DMD: variants seen among roughly 807,000 people sequenced by gnomAD.
DMD encodes dystrophin.
In DMD, 63 loss-of-function variants were observed where a neutral mutation model predicts 330.1. The ratio of observed to expected loss-of-function variants is 0.19; its 90% CI spans 0.16 to 0.24. DMD has a LOEUF of 0.24. Among genes scored for constraint, DMD ranks in the 10% least tolerant of loss-of-function variants. The pLI is 1.00. For missense variants in DMD, 3,344 were observed against 2,684.1 expected (o/e 1.25, Z -5.43); for synonymous variants, 1,223 against 959.8 (o/e 1.27, Z -5.07).
At chrX:31,226,574 G>A (rs2046619004) in intron 63 of DMD, among the ~76,000 whole-genome samples, 1 of 111,410 alleles carries the variant, frequency 9.0e-6, no homozygotes, top group African/African-American at 3.3e-5. Context: ...CCCTTTAATT[G>A]TCCTTCTCTC....
intron 50 of DMD, among the ~76,000 whole-genome samples, chrX:31,785,518 G>A (rs141182453): frequency 0.032 from 3,604 of 111,224 alleles, 61 homozygotes; most frequent in Non-Finnish European, 0.052. Flanking sequence ...GGTTTGCTAC[G>A]TAGGTATACA....
intron 57 of DMD, among the ~76,000 whole-genome samples, chrX:31,481,124 C>G (rs193188926): frequency 8.9e-6 from 1 of 111,864 alleles, no homozygotes; most frequent in East Asian, 2.8e-4. Context: ...AGGGCATGTC[C>G]AAAGATGAAA....
chrX:32,303,674 T>C (rs1444142469), intron 42 of DMD, among the ~76,000 whole-genome samples: 1 of 110,573 alleles, frequency 9.0e-6, no homozygotes, highest in Non-Finnish European at 1.9e-5. Context: ...AAAAACCCAT[T>C]AGTAACTGTT....
At chrX:32,756,854 A>T (rs752985411) in intron 7 of DMD, among the ~76,000 whole-genome samples, 1 of 111,715 alleles carries the variant, frequency 9.0e-6, no homozygotes, top group Admixed American at 9.5e-5. Flanking sequence ...AAGTGATGCA[A>T]AACAGCTTAA....
At chrX:33,086,748 T>C (rs895019404) in intron 1 of DMD, among the ~76,000 whole-genome samples, 1 of 109,190 alleles carries the variant, frequency 9.2e-6, no homozygotes, top group Non-Finnish European at 1.9e-5. Context: ...TCTCTTAGTG[T>C]ATATATACAC....
chrX:32,028,720 T>G (rs1339494624), intron 44 of DMD, among the ~76,000 whole-genome samples: 1 of 111,372 alleles, frequency 9.0e-6, no homozygotes, highest in Non-Finnish European at 1.9e-5. Context: ...GAAATTGAAA[T>G]TTATTGAACA....
At chrX:32,487,076 G>A (rs1385511939) in intron 20 of DMD, among the ~76,000 whole-genome samples, 1 of 110,425 alleles carries the variant, frequency 9.1e-6, no homozygotes, top group Non-Finnish European at 1.9e-5. Flanking sequence ...CTACAAAATG[G>A]GAGAAAATTT....
At chrX:32,564,389 A>T (rs930697428) in intron 16 of DMD, among the ~76,000 whole-genome samples, 9 of 111,985 alleles carry the variant, frequency 8.0e-5, no homozygotes, top group Non-Finnish European at 1.7e-4. Context: ...AGCAATGGGT[A>T]CATATGGGAA....
intron 55 of DMD, among the ~76,000 whole-genome samples, chrX:31,521,685 C>T (rs2072777804): frequency 8.9e-6 from 1 of 111,925 alleles, no homozygotes; most frequent in African/African-American, 3.3e-5. Flanking sequence ...GGTAGAAAAG[C>T]TGTTGAAATG....
At chrX:33,009,309 T>C (rs1280706971) in intron 2 of DMD, among the ~76,000 whole-genome samples, 1 of 61,748 alleles carries the variant, frequency 1.6e-5, no homozygotes, top group African/African-American at 6.1e-5. Flanking sequence ...TATATACACA[T>C]GTGTGTATAT....
rs781491994 is a variant in DMD, at chrX:33,131,057, C to T, written c.31+80225G>A. Among the ~76,000 whole-genome samples the T allele has an allele frequency of 3.6e-5, 4 of 111,333 alleles. No homozygotes were observed. In the South Asian group the frequency reaches 1.5e-3, roughly 42 times the overall value. Reference sequence around the variant, plus strand: ...CTTAAGAATCCAGCTCTACCTGACTCCCTAAACAAGTGTGTGTCAAGAGTT... The same window carrying T: ...CTTAAGAATCCAGCTCTACCTGACTTCCTAAACAAGTGTGTGTCAAGAGTT... On this transcript the variant is annotated intron_variant, in intron 1 of 78. Transcript: ENST00000357033.
At chrX:32,388,341 C>CTTTTTTTTTTTTTTTTTTTT (rs3044988) in intron 32 of DMD, among the ~76,000 whole-genome samples, 17 of 78,543 alleles carry the variant, frequency 2.2e-4, no homozygotes, top group African/African-American at 8.5e-4. Flanking sequence ...TTATGCTTTC[C>CTTTTTTTTTTTTTTTTTTTT]TTTTTTTTTT....
chrX:32,746,520 G>C (rs2070034816), intron 7 of DMD, among the ~76,000 whole-genome samples: 1 of 111,425 alleles, frequency 9.0e-6, no homozygotes, highest in African/African-American at 3.3e-5. Flanking sequence ...AGACTTACTT[G>C]GTTAGTATCT....
At chrX:32,536,287 A>AAC (rs1569152584) in intron 17 of DMD, among the ~76,000 whole-genome samples, 97 of 105,946 alleles carry the variant, frequency 9.2e-4, no homozygotes, top group African/African-American at 3.2e-3. Flanking sequence ...AAAAAAAAAA[A>AAC]ACACACAAAT....
At chrX:31,842,491 A>G (rs141404948) in intron 48 of DMD, among the ~76,000 whole-genome samples, 2,145 of 111,851 alleles carry the variant, frequency 0.019, 21 homozygotes, top group Non-Finnish European at 0.031. Context: ...AACATCACAC[A>G]CTACATAAAA....
rs746860342 is a variant in DMD at position 31,559,702 on chromosome X, T to C, written c.8218-52249A>G. The stretch of plus-strand genomic sequence containing the variant: ...TCTGGTTCCAGTGTAAATTCTTTGA[T>C]TGCATCATCATGAACCTCTTACTTG... On this transcript the variant is annotated intron_variant, in intron 55 of 78. Transcript: ENST00000357033. Among the ~76,000 whole-genome samples the C allele has an allele frequency of 6.6e-5, 7 of 106,546 alleles. No individual in the cohort carries two copies. The East Asian group carries it at 2.1e-3, about 31-fold the overall frequency. 92.5% of individuals were successfully genotyped at this position (106,546 alleles called of 115,157 possible). A position where few individuals can be genotyped will look rare whatever the true frequency, so the allele number is the denominator to read the frequency against.
chrX:31,951,153 ATATATG>A (rs1200916847), intron 45 of DMD, among the ~76,000 whole-genome samples: 25 of 69,695 alleles, frequency 3.6e-4, no homozygotes, highest in African/African-American at 1.3e-3. Context: ...GTATATATAT[ATATATG>A]TATATATATA....
chrX:32,930,329 T>A (rs1258565865), intron 2 of DMD, among the ~76,000 whole-genome samples: 2 of 110,391 alleles, frequency 1.8e-5, no homozygotes, highest in East Asian at 5.7e-4. Flanking sequence ...TCGGGGACCA[T>A]CTCTGTACTT....
chrX:32,402,141 G>A (rs977733407), intron 30 of DMD, among the ~76,000 whole-genome samples: 8 of 111,448 alleles, frequency 7.2e-5, no homozygotes, highest in African/African-American at 1.9e-4. Context: ...AAGATCTTGC[G>A]GACATCAGTA....
Sources: allele counts gnomAD v4.1 joint callset (sites outside exome capture counted in the v4.1 genomes callset), GRCh38; gene constraint gnomAD v4.1.1; transcripts MANE v1.5; gene names NCBI Gene and HGNC (gene_info 2026-07-23, HGNC 2026-07-21).